The following RIPK4 variants were observed in gnomAD, a reference collection of about 807,000 sequenced individuals.
RIPK4 encodes the protein receptor interacting serine/threonine kinase 4.
In RIPK4, 17 loss-of-function variants were observed where a neutral mutation model predicts 42.9. The ratio of observed to expected loss-of-function variants is 0.40; its 90% confidence interval spans 0.27 to 0.59. RIPK4 has a LOEUF of 0.59. RIPK4 is among the 20% of genes least tolerant of loss of function. The pLI is 0.47. For missense variants in RIPK4, 897 were observed against 1,104.4 expected, an observed-to-expected ratio of 0.81 and a Z score of 2.66; for synonymous variants, 498 against 499.1, an observed-to-expected ratio of 1.00 and a Z score of 0.03.
In RIPK4 at chr21:41,751,052, G is replaced by A. The variant is rs755045395; in HGVS notation, c.623+45C>T. On this transcript the variant is annotated intron_variant, in intron 3 of 7. Coordinates refer to ENST00000332512, the MANE Select transcript of RIPK4 (RefSeq NM_020639.3). The surrounding 1 kb of genome is among the most constrained non-coding windows in gnomAD (Gnocchi z 4.5). The stretch of plus-strand genomic sequence containing the variant: ...TCAGGGCATGAAGCATTGAGGTTGA[G>A]AGCCCCTGGCACCCACAGGGGATGG... The A allele has an allele frequency of 3.1e-6, 5 of 1,590,696 alleles. No homozygotes were observed. Among genetic ancestry groups the A allele is most frequent in the Non-Finnish European group, 3.4e-6 (4 of 1,166,970 alleles).
chr21:41,757,880 T>C (rs2061208624), intron 1 of RIPK4, among the ~76,000 whole-genome samples: 1 of 148,360 alleles, frequency 6.7e-6, no homozygotes, highest in South Asian at 2.2e-4. Context: ...CTGCCTGTAA[T>C]CCCAGCTACT....
intron 4 of RIPK4, 140 bp from the exon 5 acceptor site, chr21:41,746,911 GT>G (rs1431591601): frequency 1.1e-6 from 1 of 923,396 alleles, no homozygotes; most frequent in Non-Finnish European, 1.6e-6. Context: ...CCCCCACTCC[GT>G]TTCAAAGGCA....
intron 1 of RIPK4, among the ~76,000 whole-genome samples, chr21:41,759,488 C>T (rs912690240): frequency 6.6e-6 from 1 of 152,184 alleles, no homozygotes; most frequent in African/African-American, 2.4e-5. Context: ...CCCAGCAGCT[C>T]CATGTCCACA....
rs1490266737 is a variant in RIPK4 at position 41,741,294 on chromosome 21, G to A, written c.1899C>T (p.Cys633=). Residue 633 remains cysteine, a synonymous_variant, in exon 8 of 8, where the codon TGC becomes TGT. Transcript: ENST00000332512. ...LIDLCSDVNV[C]SLLAQTPLHV... is the part of the protein sequence containing the mutation. Reference sequence around the variant, plus strand: ...GCAGGGGTGTCTGTGCCAGCAGGCTGCAGACGTTGACGTCGGAGCACAGGT... The same window carrying A: ...GCAGGGGTGTCTGTGCCAGCAGGCTACAGACGTTGACGTCGGAGCACAGGT... 6.2e-7 allele frequency: 1 copy of A among 1,607,988 alleles called. No individual in the cohort carries two copies. Among genetic ancestry groups the A allele is most frequent in the African/African-American group, 1.3e-5 (1 of 74,996 alleles).
intron 4 of RIPK4, among the ~76,000 whole-genome samples, chr21:41,748,191 C>A (rs529050483): frequency 6.6e-6 from 1 of 152,328 alleles, no homozygotes; most frequent in East Asian, 1.9e-4. Flanking sequence ...TACTGACATT[C>A]TTTTAAAGCT....
intron 2 of RIPK4, among the ~76,000 whole-genome samples, chr21:41,754,340 G>T (rs1486187590): frequency 6.6e-6 from 1 of 152,178 alleles, no homozygotes; most frequent in Admixed American, 6.5e-5. Context: ...GTATTTTTCG[G>T]TTTGTTTTTG....
rs2061168992 is a variant in RIPK4, at chr21:41,745,836, A to G, written c.859T>C (p.Cys287Arg). ...TTCACTTCGTCATCAGGCTTTTCAC[A>G]CAGGTCCTCGGTTTCAGAAGTAATT... is the stretch of plus-strand genomic sequence containing the variant. ...QEITSETEDLCEKPDDEVKET... is the reference protein window; with the variant it reads ...QEITSETEDLREKPDDEVKET... Residue 287 changes from cysteine to arginine, a missense_variant, in exon 6 of 8, where the codon TGT becomes CGT. Physicochemically the swap from Cys to Arg is radical, Grantham distance 180. Transcript: ENST00000332512. The G allele has an allele frequency of 6.2e-7, 1 of 1,614,016 alleles. No homozygotes were observed. The highest frequency in any genetic ancestry group is 1.7e-5 in the Admixed American group (1 of 60,010).
rs1401588644 is a variant in RIPK4, at chr21:41,740,880, G to A, written c.2313C>T (p.Gly771=). ...INLQSLKFQG[G]HGPAATLLRR... The stretch of plus-strand genomic sequence containing the variant: ...GCAGGAGCGTGGCGGCGGGGCCATG[G>A]CCGCCCTGGAACTTGAGGCTCTGCA... The change falls in exon 8 of 8, where the codon GGC becomes GGT. Residue 771 remains glycine, a synonymous_variant. Transcript: ENST00000332512. 4 of 1,611,148 alleles carry A rather than the reference G, an allele frequency of 2.5e-6. No individual in the cohort carries two copies. Among genetic ancestry groups the A allele is most frequent in the Non-Finnish European group, 3.4e-6 (4 of 1,179,236 alleles).
Position 41,740,665 on chromosome 21 carries a change from G to A in RIPK4, c.*173C>T, listed in dbSNP as rs1008340022. On this transcript the variant is annotated 3_prime_UTR_variant, in exon 8 of 8. Transcript: ENST00000332512. ...TGTGCACCTGAGCCAGCTTCACCTGGAGGGGACACTCCGGTCAGCAGCAGC... is the reference window on the plus strand; with the variant it reads ...TGTGCACCTGAGCCAGCTTCACCTGAAGGGGACACTCCGGTCAGCAGCAGC... 2.3e-5 allele frequency: 15 copies of A among 648,774 alleles called. No homozygotes were observed. Among genetic ancestry groups the A allele is most frequent in the Non-Finnish European group, 3.4e-5 (13 of 386,964 alleles). 40.2% of individuals were successfully genotyped at this position (648,774 alleles called of 1,614,324 possible).
chr21:41,742,126 A>T lies in RIPK4; in HGVS notation c.1196-129T>A. On this transcript the variant is annotated intron_variant, in intron 7 of 7. Transcript: ENST00000332512. This position sits in a 1 kb window ranked among gnomAD's most constrained non-coding sequence, Gnocchi z 5.1. ...CTCCAGGCTGCTCGCTGGTCACCCG[A>T]CTGTGTTTGAGCGTTGTCTGTGCCT... 1.2e-6 allele frequency: 1 copy of T among 822,684 alleles called. No homozygotes were observed. The allele number at this position is 822,684 out of a possible 1,614,324, so 51.0% of individuals were successfully genotyped here.
rs1444877779 is a variant in RIPK4 at position 41,756,647 on chromosome 21, G to A, written c.352C>T (p.Arg118Trp). 4.3e-6 allele frequency: 7 copies of A among 1,613,974 alleles called. No individual in the cohort carries two copies. Among genetic ancestry groups the A allele is most frequent in the Admixed American group, 1.7e-5 (1 of 60,010 alleles). Residue 118 changes from arginine (R) to tryptophan (W), a missense_variant, in exon 2 of 8, where the codon CGG becomes TGG. Coordinates refer to ENST00000332512, the MANE Select transcript of RIPK4 (RefSeq NM_020639.3). ...LASEPLPWDL[R>W]FRIIHETAVG... ...GCCGTCTCGTGGATGATTCGGAACC[G>A]GAGATCCCATGGCAATGGCTCCGAA...
rs2061173038 is a variant in RIPK4, at chr21:41,746,745, C to T, written c.700G>A (p.Val234Met). 6.2e-7 allele frequency: 1 copy of T among 1,604,852 alleles called. No homozygotes were observed. The highest frequency in any genetic ancestry group is 1.3e-5 in the African/African-American group (1 of 74,830). The change falls in exon 5 of 8, where the codon GTG becomes ATG. Residue 234 changes from valine (V) to methionine (M), a missense_variant. Physicochemically the swap from Val to Met is conservative, Grantham distance 21. Coordinates refer to ENST00000332512, the MANE Select transcript of RIPK4 (RefSeq NM_020639.3). ...GGGCGGTGGCCCTTCACCACCTTCA[C>T]CATGATGTGCAGGATGTTCTTCTCA... ...ADEKNILHIM[V>M]KVVKGHRPEL...
In RIPK4 at chr21:41,766,700, A is replaced by C. The variant is rs7280904; in HGVS notation, c.182+160T>G. Among the ~76,000 whole-genome samples, 20,895 of 151,910 alleles carry C rather than the reference A, an allele frequency of 0.14. 1,564 individuals carry two copies. Among genetic ancestry groups the C allele is most frequent in the African/African-American group, 0.18 (7,617 of 41,490 alleles). On this transcript the variant is annotated intron_variant, in intron 1 of 7. Coordinates refer to ENST00000332512, the MANE Select transcript of RIPK4 (RefSeq NM_020639.3). ...TCCGGCCCGGACAGGCCGAGTGGAC[A>C]TTGTCGGAGCCCCGCGGCCTCGCCG... is the stretch of plus-strand genomic sequence containing the variant.
At position 41,746,779 on chromosome 21, in the gene RIPK4, G is replaced by A; in HGVS notation, c.674-8C>T. The A allele has an allele frequency of 6.3e-7, 1 of 1,577,856 alleles. No homozygotes were observed. ...GCAGGATGTTCTTCTCATCTGCCAA[G>A]GGAAGGATGCGAGTCAGGGGCTCTG... On this transcript the variant is annotated splice_polypyrimidine_tract_variant and splice_region_variant and intron_variant, in intron 4 of 7. Coordinates refer to ENST00000332512, the MANE Select transcript of RIPK4 (RefSeq NM_020639.3).
chr21:41,751,338 G>A lies in RIPK4; in HGVS notation c.475-93C>T. On this transcript the variant is annotated intron_variant, in intron 2 of 7. Transcript: ENST00000332512. The surrounding 1 kb of genome is among the most constrained non-coding windows in gnomAD (Gnocchi z 4.5). ...AAGCTCCCTTCTGCAATCTCAGAGG[G>A]TGGGTGAGAGCTTTCCAGGAGCCCC... The A allele has an allele frequency of 6.6e-7, 1 of 1,514,380 alleles. No homozygotes were observed. Among genetic ancestry groups the A allele is most frequent in the Non-Finnish European group, 8.9e-7 (1 of 1,118,280 alleles). 93.8% of individuals were successfully genotyped at this position (1,514,380 alleles called of 1,614,324 possible).
intron 4 of RIPK4, among the ~76,000 whole-genome samples, chr21:41,747,534 C>T (rs139279036): frequency 3.7e-4 from 56 of 152,316 alleles, no homozygotes; most frequent in African/African-American, 1.3e-3. Context: ...AACACACCCA[C>T]GCATGGAATG....
In RIPK4 at chr21:41,751,469, C is replaced by T. The variant is rs548403878; in HGVS notation, c.475-224G>A. On this transcript the variant is annotated intron_variant, in intron 2 of 7. Coordinates refer to ENST00000332512, the MANE Select transcript of RIPK4 (RefSeq NM_020639.3). The surrounding 1 kb of genome is among the most constrained non-coding windows in gnomAD (Gnocchi z 4.5). The stretch of plus-strand genomic sequence containing the variant: ...GAGGCATTAGGAGCAGCACATTTGA[C>T]GGGCAGGTGAAAGAATCGTACTGTA... 3.9e-5 allele frequency among the ~76,000 whole-genome samples: 6 copies of T among 152,176 alleles called. No individual in the cohort carries two copies. Among genetic ancestry groups the T allele is most frequent in the Non-Finnish European group, 7.3e-5 (5 of 68,038 alleles).
In RIPK4 at chr21:41,741,849, G is replaced by A. The variant is rs577583084; in HGVS notation, c.1344C>T (p.Ala448=). The A allele has an allele frequency of 4.8e-5, 77 of 1,612,784 alleles. No homozygotes were observed. The highest frequency in any genetic ancestry group is 3.2e-4 in the Admixed American group (19 of 60,030). The change falls in exon 8 of 8, where the codon GCC becomes GCT. Residue 448 remains alanine, a synonymous_variant. Coordinates refer to ENST00000332512, the MANE Select transcript of RIPK4 (RefSeq NM_020639.3). ...GCCACTTGGCGCACTCCTCTTGCCC[G>A]GCCTCCACCGCCAGGTGCAGCAGGC... is the stretch of plus-strand genomic sequence containing the variant. The part of the protein sequence containing the change: ...GASLLHLAVE[A]GQEECAKWLL...
At chr21:41,762,866 G>C (rs1403997898) in intron 1 of RIPK4, among the ~76,000 whole-genome samples, 1 of 152,160 alleles carries the variant, frequency 6.6e-6, no homozygotes, top group Non-Finnish European at 1.5e-5. Context: ...ACATCACACA[G>C]TCACATTCGC....
Sources: gnomAD v4.1 joint callset for allele counts (sites outside exome capture counted in the v4.1 genomes callset) on GRCh38, gnomAD v4.1.1 for gene constraint, Gnocchi (gnomAD v3.1) non-coding constraint, MANE v1.5 for transcripts, NCBI Gene and HGNC (gene_info 2026-07-23, HGNC 2026-07-21) for gene names.